Variants in CSMD1 observed in about 807,000 individuals in gnomAD.
The protein encoded by CSMD1 is CUB and sushi domain-containing protein 1.
CSMD1 carries 213 observed loss-of-function variants against 417.5 expected under a neutral mutation model. That is an observed-to-expected ratio of 0.51 (90% CI 0.46 to 0.57). The LOEUF is 0.57. Ranked by LOEUF, CSMD1 falls within the 20% of genes least tolerant of loss-of-function variation. The probability of loss-of-function intolerance (pLI) is 0.00; values close to 1 mark genes in which losing one functional copy is unlikely to be tolerated. For missense variants in CSMD1, 6,923 were observed against 4,529.7 expected (o/e 1.53, Z -15.17); for synonymous variants, 2,862 against 1,736.8 (o/e 1.65, Z -16.11).
intron 3 of CSMD1, among the ~76,000 whole-genome samples, chr8:4,038,365 C>T (rs1383415910): frequency 6.6e-6 from 1 of 152,048 alleles, no homozygotes; most frequent in Non-Finnish European, 1.5e-5. Flanking sequence ...ATCAAAAAAA[C>T]TTGTAAATTG....
intron 68 of CSMD1, among the ~76,000 whole-genome samples, chr8:2,943,539 T>C (rs1802029855): frequency 6.6e-6 from 1 of 152,188 alleles, no homozygotes; most frequent in South Asian, 2.1e-4. Flanking sequence ...AAAATATACC[T>C]TTTGTCCATT....
chr8:4,205,370 G>C (rs372393876), intron 3 of CSMD1, among the ~76,000 whole-genome samples: 1 of 152,208 alleles, frequency 6.6e-6, no homozygotes, highest in African/African-American at 2.4e-5. Context: ...AAGGGAAAAA[G>C]TGTGAACAAT....
At chr8:4,146,032 G>T (rs1224020986) in intron 3 of CSMD1, among the ~76,000 whole-genome samples, 2 of 150,678 alleles carry the variant, frequency 1.3e-5, no homozygotes, top group East Asian at 1.9e-4. Flanking sequence ...AATCTGTTGG[G>T]GAGTGAACAC....
chr8:3,503,658 G>A (rs887550029), intron 10 of CSMD1, among the ~76,000 whole-genome samples: 1 of 152,212 alleles, frequency 6.6e-6, no homozygotes, highest in African/African-American at 2.4e-5. Context: ...CTGCTACAGA[G>A]AGAATTAGTC....
At chr8:4,357,069 A>T (rs1293710198) in intron 3 of CSMD1, among the ~76,000 whole-genome samples, 2 of 152,242 alleles carry the variant, frequency 1.3e-5, no homozygotes, top group African/African-American at 4.8e-5. Context: ...TTACTGAAGG[A>T]AGAATAATAT....
intron 12 of CSMD1, among the ~76,000 whole-genome samples, chr8:3,442,069 AAAGT>A (rs1218188191): frequency 6.6e-6 from 1 of 152,038 alleles, no homozygotes; most frequent in Non-Finnish European, 1.5e-5. Context: ...AAAATTTTAA[AAAGT>A]AAAAAAAAAA....
chr8:3,307,739 G>C lies in CSMD1; in HGVS notation c.3906C>G (p.Leu1302=), dbSNP rs774919702. Reference sequence around the variant, plus strand: ...CTGCCTCTATAATCCAGGTGCAGTGGAGGTTGTTGTCATACGGAGCTGGAT... The same window carrying C: ...CTGCCTCTATAATCCAGGTGCAGTGCAGGTTGTTGTCATACGGAGCTGGAT... ...PGYPAPYDNN[L]HCTWIIEADP... is the part of the protein sequence containing the mutation. Residue 1302 remains leucine (L), a synonymous_variant, in exon 25 of 70, where the codon CTC becomes CTG. Transcript: ENST00000635120. 3.7e-6 allele frequency: 6 copies of C among 1,613,752 alleles called. No homozygotes were observed. The highest frequency in any genetic ancestry group is 5.1e-6 in the Non-Finnish European group (6 of 1,179,718).
intron 2 of CSMD1, among the ~76,000 whole-genome samples, chr8:4,450,031 C>T (rs551864123): frequency 1.3e-5 from 2 of 152,304 alleles, no homozygotes; most frequent in East Asian, 3.9e-4. Context: ...GTGTCCTGTC[C>T]TTGATGACTG....
At chr8:4,046,603 G>C (rs1308639505) in intron 3 of CSMD1, among the ~76,000 whole-genome samples, 3 of 152,312 alleles carry the variant, frequency 2.0e-5, no homozygotes, top group East Asian at 1.9e-4. Flanking sequence ...ACCTACTGTT[G>C]ATTGTTGAGT....
At chr8:4,059,813 C>G (rs1328266627) in intron 3 of CSMD1, among the ~76,000 whole-genome samples, 3 of 151,022 alleles carry the variant, frequency 2.0e-5, no homozygotes, top group Non-Finnish European at 3.0e-5. Flanking sequence ...AGCTTACCAA[C>G]CAAAAAGAGT....
intron 3 of CSMD1, among the ~76,000 whole-genome samples, chr8:4,256,878 C>T (rs992769836): frequency 6.6e-6 from 1 of 152,176 alleles, no homozygotes; most frequent in Non-Finnish European, 1.5e-5. Context: ...GGGAGAATCG[C>T]TACTGGACGA....
intron 1 of CSMD1, among the ~76,000 whole-genome samples, chr8:4,734,862 C>G (rs2116974673): frequency 6.6e-6 from 1 of 152,242 alleles, no homozygotes; most frequent in South Asian, 2.1e-4. Context: ...GGTGAAGATT[C>G]CATGTGTGTT....
chr8:3,462,576 T>C (rs1816574165), intron 12 of CSMD1, among the ~76,000 whole-genome samples: 1 of 152,192 alleles, frequency 6.6e-6, no homozygotes, highest in African/African-American at 2.4e-5. Context: ...ATCACCCAGA[T>C]GGGACTGTCT....
chr8:4,436,869 G>A (rs1042397086), intron 2 of CSMD1, among the ~76,000 whole-genome samples: 2 of 152,112 alleles, frequency 1.3e-5, no homozygotes, highest in Non-Finnish European at 2.9e-5. Context: ...TGTGGCTGAA[G>A]AGTACTCCAT....
chr8:3,676,941 G>C (rs1307356933), intron 7 of CSMD1, among the ~76,000 whole-genome samples: 1 of 152,026 alleles, frequency 6.6e-6, no homozygotes, highest in Non-Finnish European at 1.5e-5. Context: ...CTCATAAGTG[G>C]GAGTTAAACA....
intron 3 of CSMD1, among the ~76,000 whole-genome samples, chr8:4,151,703 G>T (rs769172978): frequency 3.3e-5 from 5 of 152,128 alleles, no homozygotes; most frequent in Non-Finnish European, 7.3e-5. Flanking sequence ...ATTTCCTCAA[G>T]CTCACACAGA....
In CSMD1 at chr8:4,103,279, C is replaced by T. The variant is rs1014986977; in HGVS notation, c.416-71180G>A. 4.4e-5 allele frequency among the ~76,000 whole-genome samples: 4 copies of T among 91,826 alleles called. No homozygotes were observed. In the East Asian group the frequency reaches 1.3e-3, roughly 29 times the overall value. The allele number at this position is 91,826 out of a possible 152,430, so 60.2% of individuals were successfully genotyped here. ...GTATACATACATTATATATATCATA[C>T]TGAAAGTATGACGTGTGTGTGCATA... On this transcript the variant is annotated intron_variant, in intron 3 of 69. Coordinates refer to ENST00000635120, the MANE Select transcript of CSMD1 (RefSeq NM_033225.6).
At chr8:3,155,632 G>T (rs566677706) in intron 39 of CSMD1, among the ~76,000 whole-genome samples, 1 of 152,026 alleles carries the variant, frequency 6.6e-6, no homozygotes, top group East Asian at 1.9e-4. Flanking sequence ...CTCCCAAAGT[G>T]CTGGGATTAC....
chr8:3,597,078 C>A (rs1174053647), intron 8 of CSMD1, among the ~76,000 whole-genome samples: 2 of 152,230 alleles, frequency 1.3e-5, no homozygotes. Context: ...AGAGCCACCT[C>A]ACCCAAACGC....
Sources: gnomAD v4.1 joint callset for allele counts (sites outside exome capture counted in the v4.1 genomes callset) on GRCh38, gnomAD v4.1.1 for gene constraint, MANE v1.5 for transcripts, NCBI Gene and HGNC (gene_info 2026-07-23, HGNC 2026-07-21) for gene names.